Variants in EDDM13 observed in about 807,000 individuals in gnomAD.
EDDM13 encodes epididymal protein 13.
A neutral mutation model predicts 17.8 loss-of-function variants in EDDM13; 24 were observed. That is an observed-to-expected ratio of 1.35 (90% confidence interval 0.98 to 1.90). The LOEUF is 1.90. Among genes scored for constraint, EDDM13 ranks in the 40% most tolerant of loss-of-function variants. The probability of loss-of-function intolerance (pLI) is 0.00; values close to 1 mark genes in which losing one functional copy is unlikely to be tolerated. For missense variants in EDDM13, 97 were observed against 100.8 expected, an observed-to-expected ratio of 0.96 and a Z score of 0.16; for synonymous variants, 31 against 37.5, an observed-to-expected ratio of 0.83 and a Z score of 0.63.
chr19:56,288,262 C>T (rs577841572), intron 6 of EDDM13, among the ~76,000 whole-genome samples, 123 bp from the exon 7 acceptor site: 6 of 152,304 alleles, frequency 3.9e-5, no homozygotes, highest in African/African-American at 1.4e-4. Context: ...CTCCTTCAAG[C>T]CCCCGGCAGC....
In EDDM13 at chr19:56,300,550, C is replaced by T. The variant is rs548192370; in HGVS notation, c.296-1418C>T. Among the ~76,000 whole-genome samples, 4 of 152,196 alleles carry T rather than the reference C, an allele frequency of 2.6e-5. No individual in the cohort carries two copies. In the East Asian group the frequency reaches 7.7e-4, roughly 29 times the overall value. ...GTTTCGAGGTCCTTGAAAACACCCT[C>T]CTGGGTCATAATGCTGGCCGCAGGC... On this transcript the variant is annotated intron_variant, in intron 12 of 14. Transcript: ENST00000649256.
At chr19:56,279,678 C>T (rs574119318) in intron 2 of EDDM13, among the ~76,000 whole-genome samples, 12 of 152,258 alleles carry the variant, frequency 7.9e-5, no homozygotes, top group African/African-American at 2.6e-4. Context: ...ACTTGGTGAG[C>T]TAAAATGCCT....
chr19:56,283,286 T>A (rs1327351607), intron 4 of EDDM13: 1 of 152,216 alleles, frequency 6.6e-6, no homozygotes, highest in Non-Finnish European at 1.5e-5. Flanking sequence ...GTACTTCATA[T>A]TACTATTTCT....
chr19:56,279,140 G>A (rs2038487729), intron 2 of EDDM13, among the ~76,000 whole-genome samples: 1 of 152,176 alleles, frequency 6.6e-6, no homozygotes, highest in Non-Finnish European at 1.5e-5. Flanking sequence ...CTATATGGGT[G>A]CCTTAGTCAA....
At chr19:56,284,232 C>T in intron 5 of EDDM13, 26 bp downstream of exon 5, 1 of 962,990 alleles carries the variant, frequency 1.0e-6, no homozygotes, top group Non-Finnish European at 1.2e-6. Context: ...CTTCACAATG[C>T]CCCCAGACTG....
At chr19:56,308,500 T>C (rs2040842916) in intron 14 of EDDM13, among the ~76,000 whole-genome samples, 1 of 151,886 alleles carries the variant, frequency 6.6e-6, no homozygotes, top group African/African-American at 2.4e-5. Context: ...ATTTTTGTAT[T>C]TTTAGTAGAG....
chr19:56,301,866 G>T, intron 12 of EDDM13, 102 bp from the exon 13 acceptor site: 1 of 1,216,778 alleles, frequency 8.2e-7, no homozygotes, highest in Non-Finnish European at 1.0e-6. Flanking sequence ...GGCAGGCAGA[G>T]ATGTGAGTTT....
At chr19:56,289,795 G>A (rs909899415) in intron 8 of EDDM13, among the ~76,000 whole-genome samples, 3 of 152,058 alleles carry the variant, frequency 2.0e-5, no homozygotes, top group Non-Finnish European at 4.4e-5. Context: ...TTACATTTTT[G>A]TAGAGACAGG....
intron 1 of EDDM13, chr19:56,274,937 T>G (rs2038138435): frequency 6.6e-6 from 1 of 152,222 alleles, no homozygotes; most frequent in Non-Finnish European, 1.5e-5. Flanking sequence ...TCTGATCAGT[T>G]GTTTTGCAGA....
intron 13 of EDDM13, among the ~76,000 whole-genome samples, chr19:56,303,518 G>A (rs779848932): frequency 8.7e-5 from 13 of 148,576 alleles, no homozygotes; most frequent in Non-Finnish European, 1.6e-4. Flanking sequence ...GGAAAGGAGG[G>A]AGGGAGGGAG....
intron 13 of EDDM13, among the ~76,000 whole-genome samples, chr19:56,302,648 TCCC>T (rs201988390): frequency 8.3e-6 from 1 of 119,992 alleles, no homozygotes; most frequent in Admixed American, 8.7e-5. Context: ...TTCCTTTTCT[TCCC>T]CCCCTCCCTG....
chr19:56,283,343 A>C (rs2038856090), intron 4 of EDDM13: 1 of 152,156 alleles, frequency 6.6e-6, no homozygotes, highest in Admixed American at 6.5e-5. Context: ...CTAAGTACTC[A>C]ATCTGCATTA....
Position 56,297,539 on chromosome 19 carries a change from C to T in EDDM13, c.295+8C>T, listed in dbSNP as rs2039959061. 9 of 984,540 alleles carry T rather than the reference C, an allele frequency of 9.1e-6. No individual in the cohort carries two copies. The highest frequency in any genetic ancestry group is 4.7e-5 in the South Asian group (1 of 21,272). 61.0% of individuals were successfully genotyped at this position (984,540 alleles called of 1,614,324 possible). On this transcript the variant is annotated splice_region_variant and intron_variant, in intron 12 of 14. Coordinates refer to ENST00000649256, the MANE Select transcript of EDDM13 (RefSeq NM_001354658.2). ...GTGGCTGCAAGGAGGAAGGTAAGTGCTTGGGGTCGTACCATTCCTCATCTA... is the reference window on the plus strand; with the variant it reads ...GTGGCTGCAAGGAGGAAGGTAAGTGTTTGGGGTCGTACCATTCCTCATCTA...
At chr19:56,295,584 G>A (rs993782119) in intron 9 of EDDM13, among the ~76,000 whole-genome samples, 1 of 152,110 alleles carries the variant, frequency 6.6e-6, no homozygotes, top group Non-Finnish European at 1.5e-5. Flanking sequence ...AACAGAGCAA[G>A]ACTCCGTCTA....
chr19:56,302,582 CCTTT>C (rs1345770473), intron 13 of EDDM13, among the ~76,000 whole-genome samples: 12 of 34,388 alleles, frequency 3.5e-4, no homozygotes, highest in African/African-American at 3.4e-3. Flanking sequence ...TCTTCCTCCC[CCTTT>C]TCTTCCTCTC....
chr19:56,276,583 C>A (rs2038284746), intron 2 of EDDM13, among the ~76,000 whole-genome samples: 1 of 150,664 alleles, frequency 6.6e-6, no homozygotes, highest in Admixed American at 6.7e-5. Context: ...GTCGCCCAGG[C>A]TGGAGTGTAG....
At chr19:56,301,594 G>T (rs1217369136) in intron 12 of EDDM13, among the ~76,000 whole-genome samples, 1 of 152,110 alleles carries the variant, frequency 6.6e-6, no homozygotes, top group African/African-American at 2.4e-5. Flanking sequence ...GACTAAGAAT[G>T]CCTTAACCTA....
chr19:56,305,010 G>A (rs1177974346), intron 14 of EDDM13, among the ~76,000 whole-genome samples, 180 bp downstream of exon 14: 1 of 152,174 alleles, frequency 6.6e-6, no homozygotes, highest in African/African-American at 2.4e-5. Flanking sequence ...GCCACTGCCT[G>A]ACAGGGGCAA....
intron 13 of EDDM13, among the ~76,000 whole-genome samples, chr19:56,302,329 T>C (rs553128173): frequency 4.1e-5 from 5 of 122,258 alleles, no homozygotes; most frequent in Admixed American, 1.7e-4. Flanking sequence ...TCCCTCCCCT[T>C]CCTCCTTCCC....
Sources: gnomAD v4.1 joint callset for allele counts (sites outside exome capture counted in the v4.1 genomes callset) on GRCh38, gnomAD v4.1.1 for gene constraint, MANE v1.5 for transcripts, NCBI Gene and HGNC (gene_info 2026-07-23, HGNC 2026-07-21) for gene names.